The following SLC11A2 variants were observed in gnomAD, a reference collection of about 807,000 sequenced individuals.
SLC11A2 encodes the protein natural resistance-associated macrophage protein 2.
In SLC11A2, 38 loss-of-function variants were observed where a neutral mutation model predicts 68.0. The ratio of observed to expected loss-of-function variants is 0.56; its 90% CI spans 0.43 to 0.73. The LOEUF (loss-of-function observed/expected upper bound fraction) is 0.73. Ranked by LOEUF, SLC11A2 falls within the 30% of genes least tolerant of loss-of-function variation. The pLI, the probability that SLC11A2 is intolerant of heterozygous loss-of-function variation, is 0.00. For synonymous variants in SLC11A2, 242 were observed against 250.6 expected (o/e 0.97, Z 0.32); for missense variants, 517 against 690.5 (o/e 0.75, Z 2.82).
chr12:51,016,755 G>A (rs1468801689), intron 1 of SLC11A2, among the ~76,000 whole-genome samples: 5 of 150,824 alleles, frequency 3.3e-5, no homozygotes, highest in Non-Finnish European at 5.9e-5. Flanking sequence ...GCTGAGGCAG[G>A]AGAATTGCTT....
intron 11 of SLC11A2, among the ~76,000 whole-genome samples, 185 bp downstream of exon 11, chr12:50,994,359 C>T (rs1043361665): frequency 1.3e-5 from 2 of 152,114 alleles, no homozygotes; most frequent in African/African-American, 4.8e-5. Context: ...TATTATATAT[C>T]TTTTCAACTG....
At chr12:51,007,380 G>A (rs1350693859) in intron 3 of SLC11A2, among the ~76,000 whole-genome samples, 1 of 152,122 alleles carries the variant, frequency 6.6e-6, no homozygotes. Flanking sequence ...TGTCACTCAG[G>A]CCGGAGTGCA....
At chr12:50,957,502 C>T in the SLC11A2 span, among the ~76,000 whole-genome samples, 9 of 151,854 alleles carry the variant, frequency 5.9e-5, no homozygotes, top group African/African-American at 2.2e-4. Context: ...CCCACCCAGC[C>T]TGCATTTCTT....
At chr12:51,005,044 G>A in intron 4 of SLC11A2, 137 bp from the exon 5 acceptor site, 1 of 1,108,498 alleles carries the variant, frequency 9.0e-7, no homozygotes, top group Non-Finnish European at 1.3e-6. Flanking sequence ...AATGACTTGA[G>A]TTCTATAACA....
In SLC11A2 at chr12:51,008,536, C is replaced by T; in HGVS notation, c.123G>A (p.Gly41=). 1 of 1,612,818 alleles carries T rather than the reference C, an allele frequency of 6.2e-7. No homozygotes were observed. Among genetic ancestry groups the T allele is most frequent in the African/African-American group, 1.3e-5 (1 of 74,914 alleles). Reference sequence around the variant, plus strand: ...AAGTGGCGAAGTACTCCTCTGAGTCCCCAGGGGACTGTGAAAGAGAGGGAT... The same window carrying T: ...AAGTGGCGAAGTACTCCTCTGAGTCTCCAGGGGACTGTGAAAGAGAGGGAT... ...YSNPSLSQSP[G]DSEEYFATYF... Residue 41 remains glycine (G), a synonymous_variant, in exon 3 of 16, where the codon GGG becomes GGA. Coordinates refer to ENST00000262052, the MANE Select transcript of SLC11A2 (RefSeq NM_000617.3).
intron 1 of SLC11A2, chr12:51,026,068 C>T (rs1944364141): frequency 1.1e-5 from 12 of 1,096,160 alleles, no homozygotes; most frequent in South Asian, 2.2e-5. Context: ...ACCCCCGCGA[C>T]CTCCGGCGTT....
In SLC11A2 at chr12:50,987,776, AGCCTGATAGAG is replaced by A; in HGVS notation, c.*538_*548del. On this transcript the variant is annotated 3_prime_UTR_variant, in exon 16 of 16. Coordinates refer to ENST00000262052, the MANE Select transcript of SLC11A2 (RefSeq NM_000617.3). ...GTGGAAATAAGTTCAAAGAATCCTAAGCCTGATAGAGCTAGGTGTCTCTTCATTTTATATTT... is the reference window on the plus strand; with the variant it reads ...GTGGAAATAAGTTCAAAGAATCCTAACTAGGTGTCTCTTCATTTTATATTT... The A allele has an allele frequency of 7.8e-7, 1 of 1,285,516 alleles. No individual in the cohort carries two copies. Among genetic ancestry groups the A allele is most frequent in the Non-Finnish European group, 1.0e-6 (1 of 987,982 alleles). 79.6% of individuals were successfully genotyped at this position (1,285,516 alleles called of 1,614,324 possible). A position where few individuals can be genotyped will look rare whatever the true frequency, so the allele number is the denominator to read the frequency against.
intron 1 of SLC11A2, among the ~76,000 whole-genome samples, chr12:51,020,449 T>A (rs1005559): frequency 0.15 from 22,376 of 152,180 alleles, 1,872 homozygotes; most frequent in South Asian, 0.26. Context: ...TGGTAAGTAT[T>A]CATTTTAGAA....
rs1325436166 is a variant in SLC11A2, at chr12:50,995,738, T to G, written c.881A>C (p.Lys294Thr). The G allele has an allele frequency of 6.2e-7, 1 of 1,613,950 alleles. No homozygotes were observed. Among genetic ancestry groups the G allele is most frequent in the Non-Finnish European group, 8.5e-7 (1 of 1,179,940 alleles). The part of the protein sequence containing the change: ...NNKQEVREAN[K>T]YFFIESCIAL... ...AATGCAGGATTCAATGAAAAAGTAC[T>G]TATTGGCTTCTCGAACTTCCTGCTT... Residue 294 changes from lysine (K) to threonine (T), a missense_variant, in exon 10 of 16, where the codon AAG (lysine) becomes ACG (threonine). Physicochemically the swap from Lys to Thr is moderately conservative, Grantham distance 78. Coordinates refer to ENST00000262052, the MANE Select transcript of SLC11A2 (RefSeq NM_000617.3).
At chr12:51,004,295 T>G (rs929475207) in intron 5 of SLC11A2, among the ~76,000 whole-genome samples, 3 of 152,162 alleles carry the variant, frequency 2.0e-5, no homozygotes, top group Non-Finnish European at 4.4e-5. Flanking sequence ...CAGAGGACAG[T>G]GTAGCCCCCG....
At chr12:50,962,148 T>G in the SLC11A2 span, among the ~76,000 whole-genome samples, 27,779 of 152,004 alleles carry the variant, frequency 0.18, 2,884 homozygotes, top group East Asian at 0.5. Context: ...CACTTTGGGA[T>G]GCCGAGGCGG....
At position 51,018,523 on chromosome 12, in the gene SLC11A2, G is replaced by A. The variant is rs138542688; in HGVS notation, c.-38-7757C>T. Among the ~76,000 whole-genome samples the A allele has an allele frequency of 3.7e-3, 564 of 151,800 alleles. 7 individuals carry two copies. Among genetic ancestry groups the A allele is most frequent in the African/African-American group, 0.012 (514 of 41,364 alleles). On this transcript the variant is annotated intron_variant, in intron 1 of 15. Coordinates refer to ENST00000262052, the MANE Select transcript of SLC11A2 (RefSeq NM_000617.3). ...TAAAACAAAAGTTTGGGCCGAGTGC[G>A]GTGGCTCAAGCCTGTAATCCTAGCA...
At chr12:50,964,987 T>G in the SLC11A2 span, among the ~76,000 whole-genome samples, 6 of 152,176 alleles carry the variant, frequency 3.9e-5, no homozygotes, top group Non-Finnish European at 5.9e-5. Context: ...CCTCCCAAAG[T>G]GTTGGGATTA....
At chr12:50,975,661 A>G (rs1400019472), downstream of SLC11A2, among the ~76,000 whole-genome samples, 2 of 152,336 alleles carry the variant, frequency 1.3e-5, no homozygotes, top group East Asian at 1.9e-4. Context: ...TGAAGAAGAT[A>G]GAGACAGAAA....
At chr12:51,001,178 A>AG (rs1029485191) in intron 5 of SLC11A2, among the ~76,000 whole-genome samples, 3 of 151,732 alleles carry the variant, frequency 2.0e-5, no homozygotes, top group African/African-American at 7.3e-5. Context: ...AAAAAAAAAA[A>AG]AAGGTTGGGG....
In SLC11A2 at chr12:50,991,663, C is replaced by T. The variant is rs1292025565; in HGVS notation, c.1357G>A (p.Ala453Thr). 3 of 1,613,630 alleles carry T rather than the reference C, an allele frequency of 1.9e-6. No homozygotes were observed. The highest frequency in any genetic ancestry group is 3.3e-5 in the Admixed American group (2 of 59,954). The change falls in exon 14 of 16, where the codon GCT becomes ACT. Residue 453 changes from alanine (A) to threonine (T), a missense_variant. Ala to Thr is a moderately conservative substitution (Grantham distance 58). Coordinates refer to ENST00000262052, the MANE Select transcript of SLC11A2 (RefSeq NM_000617.3). ...GTAAATGTGAGGATGGGTATGAGAGCAAAGGGAAGCTGGAAAAGAAAGAAG... is the reference window on the plus strand; with the variant it reads ...GTAAATGTGAGGATGGGTATGAGAGTAAAGGGAAGCTGGAAAAGAAAGAAG... ...NVLQSLQLPFALIPILTFTSL... is the reference protein window; with the variant it reads ...NVLQSLQLPFTLIPILTFTSL...
At chr12:50,967,933 A>T in the SLC11A2 span, among the ~76,000 whole-genome samples, 3 of 152,168 alleles carry the variant, frequency 2.0e-5, no homozygotes, top group African/African-American at 7.2e-5. Context: ...ACAAAAAATT[A>T]AAAAGTTAGC....
Position 50,990,970 on chromosome 12 carries a change from T to A in SLC11A2, c.1422-22A>T, listed in dbSNP as rs764642207. ...GCCTCTGTAAAAGAAATCAGCACAG[T>A]CACTGATGGAATAATCCAACTTGGC... On this transcript the variant is annotated intron_variant, in intron 14 of 15. Transcript: ENST00000262052. 58 of 1,612,204 alleles carry A rather than the reference T, an allele frequency of 3.6e-5. 2 individuals carry two copies. The South Asian group carries it at 5.7e-4, about 16-fold the overall frequency.
At chr12:50,975,869 C>T (rs943559587), downstream of SLC11A2, among the ~76,000 whole-genome samples, 94 of 152,216 alleles carry the variant, frequency 6.2e-4, 1 homozygote, top group Non-Finnish European at 1.1e-3. Context: ...AACACCCCTA[C>T]GCAAATAAAC....
Sources: allele counts gnomAD v4.1 joint callset (sites outside exome capture counted in the v4.1 genomes callset), GRCh38; gene constraint gnomAD v4.1.1; transcripts MANE v1.5; gene names NCBI Gene and HGNC (gene_info 2026-07-23, HGNC 2026-07-21).